CRADD: variants seen among roughly 807,000 people sequenced by gnomAD.
CRADD encodes the protein death domain-containing protein CRADD.
In CRADD, 9 loss-of-function variants were observed where a neutral mutation model predicts 15.5. The ratio of observed to expected loss-of-function variants is 0.58; its 90% CI spans 0.35 to 1.01. The LOEUF (loss-of-function observed/expected upper bound fraction) is 1.01, where lower values mean the gene tolerates loss of function less well. Ranked by LOEUF, CRADD falls within the 50% of genes least tolerant of loss-of-function variation. The pLI is 0.02. For synonymous variants in CRADD, 118 were observed against 107.6 expected, an observed-to-expected ratio of 1.10 and a Z score of -0.60; for missense variants, 227 against 250.3, an observed-to-expected ratio of 0.91 and a Z score of 0.63.
intron 2 of CRADD, among the ~76,000 whole-genome samples, chr12:93,833,264 G>C (rs1957930696): frequency 6.6e-6 from 1 of 152,210 alleles, no homozygotes; most frequent in African/African-American, 2.4e-5. Flanking sequence ...CATGTTTGCA[G>C]ATGGGAAGAT....
chr12:93,698,915 A>G (rs1459705374), intron 2 of CRADD, among the ~76,000 whole-genome samples: 2 of 152,194 alleles, frequency 1.3e-5, no homozygotes, highest in African/African-American at 4.8e-5. Context: ...ACAATACACC[A>G]GCAGGGCAGA....
intron 2 of CRADD, among the ~76,000 whole-genome samples, chr12:93,860,989 G>A (rs574748640): frequency 4.8e-4 from 73 of 152,288 alleles, no homozygotes; most frequent in African/African-American, 1.6e-3. Flanking sequence ...GGTGCTGCCC[G>A]ATTCCTGAAT....
At chr12:93,771,718 G>A (rs1156822905) in intron 2 of CRADD, among the ~76,000 whole-genome samples, 4 of 152,174 alleles carry the variant, frequency 2.6e-5, no homozygotes, top group Non-Finnish European at 1.5e-5. Context: ...ACTAAATGAA[G>A]TAGAAGACAG....
At chr12:93,704,404 G>A (rs1367629723) in intron 2 of CRADD, among the ~76,000 whole-genome samples, 1 of 151,948 alleles carries the variant, frequency 6.6e-6, no homozygotes, top group East Asian at 1.9e-4. Context: ...ATTTTAAAAG[G>A]CACCATCTGT....
At chr12:93,862,261 A>C (rs1278003957) in intron 2 of CRADD, among the ~76,000 whole-genome samples, 2 of 152,230 alleles carry the variant, frequency 1.3e-5, no homozygotes. Flanking sequence ...GTGCAATAAT[A>C]GACTCCCATG....
At chr12:93,734,496 A>G (rs373647770) in intron 2 of CRADD, among the ~76,000 whole-genome samples, 11 of 152,310 alleles carry the variant, frequency 7.2e-5, no homozygotes, top group African/African-American at 2.6e-4. Flanking sequence ...TTAATGAAAC[A>G]TGTTTTCACA....
intron 2 of CRADD, among the ~76,000 whole-genome samples, chr12:93,878,583 G>A (rs1958473747): frequency 6.6e-6 from 1 of 152,060 alleles, no homozygotes; most frequent in African/African-American, 2.4e-5. Flanking sequence ...CAGTCCTTAT[G>A]GCCTAGACTG....
At chr12:93,871,330 G>C (rs770980617) in intron 2 of CRADD, among the ~76,000 whole-genome samples, 1 of 152,092 alleles carries the variant, frequency 6.6e-6, no homozygotes. Flanking sequence ...TAAAAATTTT[G>C]TGGGTACATA....
At chr12:93,687,576 G>A (rs1202262291) in intron 2 of CRADD, among the ~76,000 whole-genome samples, 1 of 152,146 alleles carries the variant, frequency 6.6e-6, no homozygotes, top group African/African-American at 2.4e-5. Flanking sequence ...AATTGCAGCC[G>A]GGGTTGAGAA....
At chr12:93,760,340 T>C (rs1592967096) in intron 2 of CRADD, among the ~76,000 whole-genome samples, 3 of 152,158 alleles carry the variant, frequency 2.0e-5, no homozygotes, top group Admixed American at 2.0e-4. Context: ...TTATGGAAGG[T>C]CTTAAACATC....
intron 2 of CRADD, among the ~76,000 whole-genome samples, chr12:93,845,890 G>T (rs564841774): frequency 6.6e-6 from 1 of 152,124 alleles, no homozygotes; most frequent in South Asian, 2.1e-4. Flanking sequence ...ATCTCCAAAA[G>T]TCTTCATCTT....
chr12:93,750,441 A>G (rs1380891056), intron 2 of CRADD, among the ~76,000 whole-genome samples: 3 of 152,188 alleles, frequency 2.0e-5, no homozygotes, highest in Non-Finnish European at 4.4e-5. Context: ...GATGCAAATA[A>G]TTTCTGGCAG....
chr12:93,810,662 A>G (rs1050518222), intron 2 of CRADD, among the ~76,000 whole-genome samples: 1 of 149,250 alleles, frequency 6.7e-6, no homozygotes, highest in African/African-American at 2.5e-5. Context: ...CATGGTAAAT[A>G]TTACTCCTAG....
rs112650456 is a variant in CRADD at position 93,884,401 on chromosome 12, C to A, written c.299-9649C>A. Among the ~76,000 whole-genome samples, 10 of 152,238 alleles carry A rather than the reference C, an allele frequency of 6.6e-5. 2 individuals carry two copies. The highest frequency in any genetic ancestry group is 2.4e-4 in the African/African-American group (10 of 41,544). On this transcript the variant is annotated intron_variant, in intron 2 of 2. Coordinates refer to the CRADD transcript ENST00000548483. ...ACAGGAGACAGCCAGAGGTCCCTGG[C>A]GAAACCCTGCCTTCAAGCCTAAAAC... is the stretch of plus-strand genomic sequence containing the variant.
chr12:93,893,557 C>T (rs899694219), intron 2 of CRADD, among the ~76,000 whole-genome samples: 1 of 152,046 alleles, frequency 6.6e-6, no homozygotes, highest in African/African-American at 2.4e-5. Context: ...TTAAGAGTCA[C>T]GGGGAATTTT....
intron 2 of CRADD, chr12:93,859,584 G>C: frequency 3.3e-6 from 1 of 303,492 alleles, no homozygotes; most frequent in South Asian, 3.2e-5. Flanking sequence ...AAAGGAAGGG[G>C]TCCTGGTCTC....
chr12:93,888,684 C>T (rs1490307094), intron 2 of CRADD, among the ~76,000 whole-genome samples: 3 of 152,104 alleles, frequency 2.0e-5, no homozygotes, highest in African/African-American at 7.2e-5. Flanking sequence ...GGAGACCCAG[C>T]AGCTGGAGTT....
At chr12:93,820,563 G>GA (rs1593018080) in intron 2 of CRADD, among the ~76,000 whole-genome samples, 1 of 148,552 alleles carries the variant, frequency 6.7e-6, no homozygotes, top group Non-Finnish European at 1.5e-5. Flanking sequence ...AAAAAAAAAA[G>GA]AAAAAAAAGC....
At chr12:93,700,446 T>C (rs1955817044) in intron 2 of CRADD, among the ~76,000 whole-genome samples, 1 of 152,070 alleles carries the variant, frequency 6.6e-6, no homozygotes, top group Admixed American at 6.5e-5. Context: ...TTTTTTTTCT[T>C]TTGAGATGGA....
Sources: allele counts gnomAD v4.1 joint callset (sites outside exome capture counted in the v4.1 genomes callset), GRCh38; gene constraint gnomAD v4.1.1; transcripts MANE v1.5; gene names NCBI Gene and HGNC (gene_info 2026-07-23, HGNC 2026-07-21).